Variants in HECW1 observed in about 807,000 individuals in gnomAD.
HECW1 encodes HECT, C2 and WW domain containing E3 ubiquitin protein ligase 1.
HECW1 carries 61 observed loss-of-function variants against 182.3 expected under a neutral mutation model. That is an observed-to-expected ratio of 0.33 (90% CI 0.27 to 0.41). The LOEUF is 0.41. Ranked by LOEUF, HECW1 falls within the 10% of genes least tolerant of loss-of-function variation. HECW1 has a pLI of 1.00. For synonymous variants in HECW1, 859 were observed against 832.6 expected (o/e 1.03, Z -0.55); for missense variants, 1,739 against 2,108.9 (o/e 0.82, Z 3.44).
chr7:43,244,200 A>C (rs143950483), intron 3 of HECW1, among the ~76,000 whole-genome samples: 1 of 152,298 alleles, frequency 6.6e-6, no homozygotes, highest in Non-Finnish European at 1.5e-5. Context: ...GTTACAAGTG[A>C]ATTTGTACCT....
intron 5 of HECW1, among the ~76,000 whole-genome samples, chr7:43,347,355 A>T (rs1274013195): frequency 1.3e-5 from 2 of 151,948 alleles, no homozygotes; most frequent in African/African-American, 2.4e-5. Context: ...AGAGGTACTG[A>T]TTTGTGTACA....
chr7:43,549,893 A>G (rs2081733408), intron 26 of HECW1, among the ~76,000 whole-genome samples: 1 of 152,210 alleles, frequency 6.6e-6, no homozygotes, highest in Admixed American at 6.5e-5. Context: ...ACCATTAGGG[A>G]CAACCTAGGA....
intron 2 of HECW1, among the ~76,000 whole-genome samples, chr7:43,150,518 A>G (rs895257316): frequency 6.6e-6 from 1 of 152,134 alleles, no homozygotes; most frequent in Non-Finnish European, 1.5e-5. Context: ...AGCTGGGATT[A>G]TAGGCACCTG....
chr7:43,355,688 G>C (rs915893052), intron 5 of HECW1, among the ~76,000 whole-genome samples: 1 of 151,950 alleles, frequency 6.6e-6, no homozygotes, highest in African/African-American at 2.4e-5. Context: ...AAAAGGAAGA[G>C]AGCAGTTAAA....
At chr7:43,127,940 A>G (rs1256373922) in intron 2 of HECW1, among the ~76,000 whole-genome samples, 19 of 151,886 alleles carry the variant, frequency 1.3e-4, no homozygotes, top group Admixed American at 1.2e-3. Context: ...ATGTAGTAGC[A>G]TGATCACAGC....
intron 3 of HECW1, among the ~76,000 whole-genome samples, chr7:43,287,057 G>T (rs1804734882): frequency 6.6e-6 from 1 of 152,120 alleles, no homozygotes; most frequent in African/African-American, 2.4e-5. Context: ...GTGGTGGGGA[G>T]GTACGTAGTA....
chr7:43,324,035 A>C (rs1333702562), intron 5 of HECW1, among the ~76,000 whole-genome samples: 1 of 111,070 alleles, frequency 9.0e-6, no homozygotes, highest in African/African-American at 7.3e-5. Flanking sequence ...ACTCTATCTC[A>C]AAAAAGAAAA....
intron 2 of HECW1, among the ~76,000 whole-genome samples, chr7:43,139,457 G>A (rs1787924369): frequency 6.6e-6 from 1 of 152,170 alleles, no homozygotes; most frequent in Non-Finnish European, 1.5e-5. Context: ...CTGCCAGGAA[G>A]ACCGTGCTGT....
chr7:43,434,657 C>A (rs1329281494), intron 8 of HECW1, among the ~76,000 whole-genome samples: 1 of 152,128 alleles, frequency 6.6e-6, no homozygotes, highest in Non-Finnish European at 1.5e-5. Flanking sequence ...TGGGGGTCTA[C>A]ATGGACTCCA....
intron 8 of HECW1, among the ~76,000 whole-genome samples, chr7:43,411,983 T>G (rs1460531112): frequency 1.3e-5 from 2 of 152,210 alleles, no homozygotes; most frequent in East Asian, 3.8e-4. Context: ...TACTATTTTA[T>G]TATTTGTTTT....
intron 5 of HECW1, among the ~76,000 whole-genome samples, chr7:43,354,862 T>C (rs544521042): frequency 1.3e-5 from 2 of 152,014 alleles, no homozygotes; most frequent in South Asian, 4.2e-4. Flanking sequence ...CCACAGCATA[T>C]AATAATCAAA....
intron 29 of HECW1, among the ~76,000 whole-genome samples, chr7:43,560,727 T>A (rs1251137457): frequency 6.6e-6 from 1 of 152,228 alleles, no homozygotes; most frequent in Non-Finnish European, 1.5e-5. Flanking sequence ...CTAGGGATCT[T>A]GTAATGAAAA....
At chr7:43,497,393 G>A (rs2079160349) in intron 19 of HECW1, among the ~76,000 whole-genome samples, 2 of 152,158 alleles carry the variant, frequency 1.3e-5, no homozygotes, top group African/African-American at 2.4e-5. Context: ...TTTGAATTGC[G>A]ATTCTATTTG....
At chr7:43,306,783 T>A (rs1253601666) in intron 3 of HECW1, among the ~76,000 whole-genome samples, 1 of 151,956 alleles carries the variant, frequency 6.6e-6, no homozygotes, top group African/African-American at 2.4e-5. Flanking sequence ...CTCCAGGTTC[T>A]TAAAAAAAAA....
At chr7:43,472,082 G>T (rs1351223335) in intron 16 of HECW1, among the ~76,000 whole-genome samples, 1 of 152,168 alleles carries the variant, frequency 6.6e-6, no homozygotes, top group Non-Finnish European at 1.5e-5. Flanking sequence ...TTTTAAGATT[G>T]CAGGGAAAAG....
At chr7:43,429,331 T>TAC (rs1478767949) in intron 8 of HECW1, among the ~76,000 whole-genome samples, 16 of 92,796 alleles carry the variant, frequency 1.7e-4, no homozygotes, top group Non-Finnish European at 3.1e-4. Context: ...TATATATATA[T>TAC]ATATACATAT....
At chr7:43,264,822 C>T (rs773032077) in intron 3 of HECW1, among the ~76,000 whole-genome samples, 4 of 138,682 alleles carry the variant, frequency 2.9e-5, no homozygotes, top group Non-Finnish European at 3.0e-5. Flanking sequence ...CCAGCCCGGG[C>T]GACAGAGTGA....
intron 2 of HECW1, among the ~76,000 whole-genome samples, chr7:43,124,578 C>T (rs116571450): frequency 3.3e-4 from 50 of 152,330 alleles, no homozygotes; most frequent in African/African-American, 1.2e-3. Flanking sequence ...GAACCTGTCT[C>T]TGAGCTTGGG....
Position 43,444,926 on chromosome 7 carries a change from CGGA to C in HECW1, c.1762_1764del (p.Glu588del), listed in dbSNP as rs745913952. ...AGCGCGGCAGAGGAGGAGGACGGCG[CGGA>C]GGAGGAGTCCACCCTCAAGGACTCC... On this transcript the variant is annotated inframe_deletion, in exon 11 of 30. Coordinates refer to ENST00000395891, the MANE Select transcript of HECW1 (RefSeq NM_015052.5). The surrounding 1 kb of genome is among the most constrained non-coding windows in gnomAD (Gnocchi z 4.3). The C allele has an allele frequency of 8.2e-5, 130 of 1,592,784 alleles. No homozygotes were observed. The highest frequency in any genetic ancestry group is 1.1e-4 in the Non-Finnish European group (128 of 1,168,956).
Sources: gnomAD v4.1 joint callset for allele counts (sites outside exome capture counted in the v4.1 genomes callset) on GRCh38, gnomAD v4.1.1 for gene constraint, Gnocchi (gnomAD v3.1) non-coding constraint, MANE v1.5 for transcripts, NCBI Gene and HGNC (gene_info 2026-07-23, HGNC 2026-07-21) for gene names.